MCPH1: variants seen among roughly 807,000 people sequenced by gnomAD.
MCPH1 encodes the protein microcephalin.
In MCPH1, 104 loss-of-function variants were observed where a neutral mutation model predicts 84.5. That is an observed-to-expected ratio of 1.23 (90% confidence interval 1.05 to 1.45). MCPH1 has a LOEUF of 1.45. Among genes scored for constraint, MCPH1 ranks in the 40% most tolerant of loss-of-function variants. The probability of loss-of-function intolerance (pLI) is 0.00; values close to 1 mark genes in which losing one functional copy is unlikely to be tolerated. For missense variants in MCPH1, 1,498 were observed against 1,005.7 expected (o/e 1.49, Z -6.62); for synonymous variants, 514 against 366.8 (o/e 1.40, Z -4.58).
intron 11 of MCPH1, among the ~76,000 whole-genome samples, chr8:6,497,048 G>T (rs1463738981): frequency 1.3e-5 from 2 of 152,066 alleles, no homozygotes; most frequent in Non-Finnish European, 2.9e-5. Context: ...AATTTCTTAG[G>T]CAGTTAAGAA....
intron 12 of MCPH1, among the ~76,000 whole-genome samples, chr8:6,597,282 A>C (rs1335728136): frequency 6.6e-6 from 1 of 152,130 alleles, no homozygotes; most frequent in Non-Finnish European, 1.5e-5. Context: ...ACCCGGAGCC[A>C]ATGGTGAAAG....
At position 6,414,788 on chromosome 8, in the gene MCPH1, A is replaced by G. The variant is rs757588679; in HGVS notation, c.138A>G (p.Gln46=). 12 of 1,613,842 alleles carry G rather than the reference A, an allele frequency of 7.4e-6. 1 individual carries two copies. The South Asian group carries it at 1.1e-4, about 15-fold the overall frequency. ...GAKVSKTFNK[Q]VTHVIFKDGY... ...AGGTTTCAAAAACTTTTAACAAACA[A>G]GTAACTCACGTTATCTTCAAAGATG... Residue 46 remains glutamine, a synonymous_variant, in exon 3 of 14, where the codon CAA becomes CAG. Coordinates refer to ENST00000344683, the MANE Select transcript of MCPH1 (RefSeq NM_024596.5).
chr8:6,437,651 C>T (rs767098610), intron 5 of MCPH1, among the ~76,000 whole-genome samples: 6 of 152,214 alleles, frequency 3.9e-5, no homozygotes, highest in Non-Finnish European at 7.3e-5. Flanking sequence ...GCTCAGCCCT[C>T]CCGCTGCCTC....
intron 13 of MCPH1, chr8:6,625,563 A>C: frequency 1.0e-6 from 1 of 983,690 alleles, no homozygotes; most frequent in Non-Finnish European, 1.2e-6. Context: ...AAAAGACAAT[A>C]CTCAAAAAAA....
At chr8:6,490,739 A>C (rs1172802023) in intron 11 of MCPH1, among the ~76,000 whole-genome samples, 1 of 152,172 alleles carries the variant, frequency 6.6e-6, no homozygotes, top group Non-Finnish European at 1.5e-5. Flanking sequence ...CTCATACAGA[A>C]AATTTGTTAG....
chr8:6,638,153 A>T (rs1797691945), intron 13 of MCPH1, among the ~76,000 whole-genome samples: 1 of 152,200 alleles, frequency 6.6e-6, no homozygotes, highest in Non-Finnish European at 1.5e-5. Flanking sequence ...ATTATGAGAA[A>T]CGACTCTAGG....
chr8:6,482,457 C>T (rs1809364370), intron 11 of MCPH1, among the ~76,000 whole-genome samples: 2 of 152,236 alleles, frequency 1.3e-5, no homozygotes, highest in Non-Finnish European at 2.9e-5. Context: ...ACTCTAGCAT[C>T]AGTGAATGAG....
intron 12 of MCPH1, among the ~76,000 whole-genome samples, chr8:6,504,849 T>TA (rs1812962068): frequency 6.6e-6 from 1 of 152,182 alleles, no homozygotes; most frequent in Non-Finnish European, 1.5e-5. Flanking sequence ...TAGGGTTTGA[T>TA]ACTGTGTGTG....
At chr8:6,578,931 G>C (rs112911435) in intron 12 of MCPH1, among the ~76,000 whole-genome samples, 2 of 152,184 alleles carry the variant, frequency 1.3e-5, no homozygotes, top group Non-Finnish European at 2.9e-5. Context: ...CAGAGTTCAT[G>C]TTTTTCGTTC....
At chr8:6,434,436 A>G (rs1002559701) in intron 4 of MCPH1, among the ~76,000 whole-genome samples, 2 of 152,206 alleles carry the variant, frequency 1.3e-5, no homozygotes, top group African/African-American at 4.8e-5. Context: ...ACCACTGTCT[A>G]ATTAGTACAT....
chr8:6,518,919 T>A (rs1816801302), intron 12 of MCPH1, among the ~76,000 whole-genome samples: 1 of 152,140 alleles, frequency 6.6e-6, no homozygotes, highest in Non-Finnish European at 1.5e-5. Context: ...GGGTTTTTTT[T>A]TTTCCTTATC....
rs1220616174 is a variant in MCPH1 at position 6,581,110 on chromosome 8, AT to A, written c.2215-40340del. Among the ~76,000 whole-genome samples, 5 of 152,258 alleles carry A rather than the reference AT, an allele frequency of 3.3e-5. No homozygotes were observed. In the East Asian group the frequency reaches 9.6e-4, roughly 29 times the overall value. On this transcript the variant is annotated intron_variant, in intron 12 of 13. Transcript: ENST00000344683. ...TGCCTAGGTTATATGCAAATACTCC[AT>A]TTTATATAAAGACTTGAGCATCCAT...
chr8:6,484,319 A>G (rs991668737), intron 11 of MCPH1, among the ~76,000 whole-genome samples: 2 of 152,240 alleles, frequency 1.3e-5, no homozygotes, highest in South Asian at 4.1e-4. Context: ...GCTCATCATT[A>G]TTGCTCACTT....
At chr8:6,510,039 A>C (rs189805425) in intron 12 of MCPH1, among the ~76,000 whole-genome samples, 1 of 152,280 alleles carries the variant, frequency 6.6e-6, no homozygotes, top group Admixed American at 6.5e-5. Flanking sequence ...AAAGTCGAAA[A>C]ATCTTAAGTT....
intron 4 of MCPH1, among the ~76,000 whole-genome samples, chr8:6,433,019 A>C (rs1802067974): frequency 6.6e-6 from 1 of 152,172 alleles, no homozygotes. Flanking sequence ...ACACTCACAC[A>C]TGCATGCTTG....
intron 13 of MCPH1, among the ~76,000 whole-genome samples, chr8:6,633,946 G>A (rs112918670): frequency 0.011 from 1,706 of 152,306 alleles, 15 homozygotes; most frequent in Non-Finnish European, 0.018. Flanking sequence ...TGGAGGAACT[G>A]AACAGCAGTA....
chr8:6,421,517 A>G (rs1800194661), intron 3 of MCPH1, among the ~76,000 whole-genome samples: 1 of 152,008 alleles, frequency 6.6e-6, no homozygotes, highest in Non-Finnish European at 1.5e-5. Flanking sequence ...TTTTTTTTTA[A>G]TGGCCCATGA....
chr8:6,416,039 T>C (rs1215159799), intron 3 of MCPH1, among the ~76,000 whole-genome samples: 1 of 152,230 alleles, frequency 6.6e-6, no homozygotes, highest in East Asian at 1.9e-4. Context: ...TTCCTAACTT[T>C]TTTGTTCATT....
intron 12 of MCPH1, among the ~76,000 whole-genome samples, chr8:6,520,171 C>A (rs992249280): frequency 2.6e-5 from 4 of 152,056 alleles, no homozygotes; most frequent in African/African-American, 9.7e-5. Context: ...CTTCTTAATT[C>A]TCAAAAGATT....
Sources: gnomAD v4.1 joint callset for allele counts (sites outside exome capture counted in the v4.1 genomes callset) on GRCh38, gnomAD v4.1.1 for gene constraint, MANE v1.5 for transcripts, NCBI Gene and HGNC (gene_info 2026-07-23, HGNC 2026-07-21) for gene names.